The following ZBTB7C variants were observed in gnomAD, a reference collection of about 807,000 sequenced individuals.
The protein encoded by ZBTB7C is zinc finger and BTB domain containing 7C, also known as zinc finger and BTB domain-containing protein 7C.
Under a neutral mutation model 25.7 loss-of-function variants are expected in ZBTB7C, and 8 were observed. The observed-to-expected ratio is 0.31, with a 90% confidence interval of 0.18 to 0.56. ZBTB7C has a LOEUF of 0.56. Ranked by LOEUF, ZBTB7C falls within the 20% of genes least tolerant of loss-of-function variation. The pLI, the probability that ZBTB7C is intolerant of heterozygous loss-of-function variation, is 0.91. For missense variants in ZBTB7C, 824 were observed against 855.2 expected, an observed-to-expected ratio of 0.96 and a Z score of 0.46; for synonymous variants, 394 against 369.0, an observed-to-expected ratio of 1.07 and a Z score of -0.78.
At chr18:48,295,651 C>T (rs2045365694) in intron 2 of ZBTB7C, among the ~76,000 whole-genome samples, 1 of 152,152 alleles carries the variant, frequency 6.6e-6, no homozygotes, top group Non-Finnish European at 1.5e-5. Context: ...CAAAACTTTA[C>T]AAAGCTCATT....
intron 1 of ZBTB7C, among the ~76,000 whole-genome samples, chr18:48,381,918 A>T (rs1243191437): frequency 2.6e-5 from 4 of 152,230 alleles, no homozygotes; most frequent in Non-Finnish European, 5.9e-5. Context: ...TCCCACTCAC[A>T]TGCCACTGAC....
intron 2 of ZBTB7C, among the ~76,000 whole-genome samples, chr18:48,308,542 G>A (rs1186345242): frequency 6.6e-6 from 1 of 152,188 alleles, no homozygotes; most frequent in African/African-American, 2.4e-5. Context: ...CTCAGCCAGA[G>A]TTTCCAATTG....
rs189053879 is a variant in ZBTB7C, at chr18:48,109,636, G to A, written c.-16-68513C>T. On this transcript the variant is annotated intron_variant, in intron 3 of 4. Transcript: ENST00000590800. ...CACACACACACAAAACAGTGCATGC[G>A]TGGTAAGACAAGGGGGAGGAAAGAC... is the stretch of plus-strand genomic sequence containing the variant. Among the ~76,000 whole-genome samples, 975 of 152,248 alleles carry A rather than the reference G, an allele frequency of 6.4e-3. 10 individuals carry two copies. The highest frequency in any genetic ancestry group is 0.011 in the Non-Finnish European group (727 of 68,018).
At chr18:48,112,197 G>A (rs1213539918) in intron 3 of ZBTB7C, among the ~76,000 whole-genome samples, 2 of 150,878 alleles carry the variant, frequency 1.3e-5, no homozygotes, top group Non-Finnish European at 2.9e-5. Flanking sequence ...ATAGAAAAAT[G>A]TGTGGAGTAA....
chr18:48,082,395 G>A (rs536012053), intron 3 of ZBTB7C, among the ~76,000 whole-genome samples: 1 of 152,062 alleles, frequency 6.6e-6, no homozygotes, highest in African/African-American at 2.4e-5. Flanking sequence ...CTACATTACC[G>A]AAGTCCTGTT....
At chr18:48,289,105 G>A (rs978629395) in intron 2 of ZBTB7C, among the ~76,000 whole-genome samples, 4 of 152,190 alleles carry the variant, frequency 2.6e-5, no homozygotes, top group East Asian at 3.9e-4. Flanking sequence ...AGACAGGATC[G>A]GGCATTGATT....
intron 1 of ZBTB7C, among the ~76,000 whole-genome samples, chr18:48,380,915 T>A (rs533564220): frequency 6.6e-6 from 1 of 152,278 alleles, no homozygotes; most frequent in Admixed American, 6.5e-5. Flanking sequence ...TCTAAAATAG[T>A]TTATTTAAAA....
intron 3 of ZBTB7C, among the ~76,000 whole-genome samples, chr18:48,156,833 T>C (rs571281650): frequency 4.0e-4 from 61 of 151,790 alleles, no homozygotes; most frequent in South Asian, 6.3e-4. Context: ...TTTTTTTTTT[T>C]CCCCGAGAGC....
At chr18:48,109,161 C>G (rs946068756) in intron 3 of ZBTB7C, among the ~76,000 whole-genome samples, 2 of 152,136 alleles carry the variant, frequency 1.3e-5, no homozygotes, top group African/African-American at 4.8e-5. Flanking sequence ...GCTAAGAACC[C>G]AGGCTGGTGG....
intron 3 of ZBTB7C, chr18:48,150,740 G>T (rs567236179): frequency 1.3e-5 from 2 of 152,248 alleles, no homozygotes; most frequent in East Asian, 1.9e-4. Flanking sequence ...TCTCTGTCTC[G>T]CATAGTTAGC....
intron 2 of ZBTB7C, among the ~76,000 whole-genome samples, chr18:48,316,832 C>A (rs939282967): frequency 3.9e-5 from 6 of 152,192 alleles, no homozygotes; most frequent in South Asian, 2.1e-4. Flanking sequence ...AATGAAGAGA[C>A]CTCGTTCTAC....
intron 3 of ZBTB7C, among the ~76,000 whole-genome samples, chr18:48,072,155 T>C (rs1241207906): frequency 6.6e-6 from 1 of 152,214 alleles, no homozygotes; most frequent in African/African-American, 2.4e-5. Flanking sequence ...GAAGGCTGCA[T>C]GGGATATGAG....
intron 2 of ZBTB7C, among the ~76,000 whole-genome samples, chr18:48,285,468 A>G (rs2045015123): frequency 6.6e-6 from 1 of 152,210 alleles, no homozygotes; most frequent in Non-Finnish European, 1.5e-5. Context: ...GTATCTGTAT[A>G]ACATATTCTC....
At chr18:48,279,629 T>C (rs1445509841) in intron 2 of ZBTB7C, among the ~76,000 whole-genome samples, 1 of 152,196 alleles carries the variant, frequency 6.6e-6, no homozygotes, top group African/African-American at 2.4e-5. Flanking sequence ...CTCCCCAAAA[T>C]GGCCTGCACT....
intron 2 of ZBTB7C, among the ~76,000 whole-genome samples, chr18:48,273,053 G>C (rs539302531): frequency 1.3e-5 from 2 of 152,132 alleles, no homozygotes; most frequent in Non-Finnish European, 2.9e-5. Flanking sequence ...TGGAGATGAC[G>C]AAAACATTCT....
intron 3 of ZBTB7C, among the ~76,000 whole-genome samples, chr18:48,177,123 A>G (rs1013639787): frequency 6.6e-6 from 1 of 152,238 alleles, no homozygotes; most frequent in Non-Finnish European, 1.5e-5. Flanking sequence ...CAGAGCTGAG[A>G]GCTGTCTACA....
At chr18:48,204,068 C>T (rs933639440) in intron 2 of ZBTB7C, among the ~76,000 whole-genome samples, 33 of 152,140 alleles carry the variant, frequency 2.2e-4, no homozygotes, top group Non-Finnish European at 1.6e-4. Flanking sequence ...GGGGCTCCCC[C>T]TCAGGCCCTC....
intron 3 of ZBTB7C, among the ~76,000 whole-genome samples, chr18:48,105,589 G>A (rs1023777943): frequency 6.6e-6 from 1 of 152,154 alleles, no homozygotes; most frequent in African/African-American, 2.4e-5. Context: ...TCCAGGGAGT[G>A]AGGGGCATGG....
chr18:48,308,498 G>T (rs189061276), intron 2 of ZBTB7C, among the ~76,000 whole-genome samples: 3 of 152,290 alleles, frequency 2.0e-5, no homozygotes, highest in Non-Finnish European at 2.9e-5. Context: ...CCTGGGGGCT[G>T]CCCTGAACTC....
Sources: allele counts gnomAD v4.1 joint callset (sites outside exome capture counted in the v4.1 genomes callset), GRCh38; gene constraint gnomAD v4.1.1; transcripts MANE v1.5; gene names NCBI Gene and HGNC (gene_info 2026-07-23, HGNC 2026-07-21).